ASTN2: variants seen among roughly 807,000 people sequenced by gnomAD.
ASTN2 encodes the protein astrotactin 2.
ASTN2 carries 54 observed loss-of-function variants against 139.8 expected under a neutral mutation model. The ratio of observed to expected loss-of-function variants is 0.39; its 90% CI spans 0.31 to 0.48. The LOEUF (loss-of-function observed/expected upper bound fraction) is 0.48, where lower values mean the gene tolerates loss of function less well. Ranked by LOEUF, ASTN2 falls within the 20% of genes least tolerant of loss-of-function variation. The pLI, the probability that ASTN2 is intolerant of heterozygous loss-of-function variation, is 0.95. For synonymous variants in ASTN2, 756 were observed against 719.5 expected, an observed-to-expected ratio of 1.05 and a Z score of -0.81; for missense variants, 1,565 against 1,725.1, an observed-to-expected ratio of 0.91 and a Z score of 1.64.
chr9:116,429,907 A>G (rs1010398346), intron 22 of ASTN2, among the ~76,000 whole-genome samples: 8 of 152,214 alleles, frequency 5.3e-5, no homozygotes, highest in African/African-American at 1.9e-4. Flanking sequence ...TAGTTCTTCA[A>G]TAATGAAACA....
intron 11 of ASTN2, 72 bp downstream of exon 11, chr9:116,863,511 C>A: frequency 6.4e-7 from 1 of 1,560,066 alleles, no homozygotes; most frequent in Admixed American, 1.8e-5. Flanking sequence ...CGTTCCCTCG[C>A]AGGGCAGGGC....
At chr9:117,237,178 G>T (rs539425693) in intron 2 of ASTN2, among the ~76,000 whole-genome samples, 2 of 152,190 alleles carry the variant, frequency 1.3e-5, no homozygotes, top group African/African-American at 4.8e-5. Flanking sequence ...TTGTGATTTT[G>T]CCATTACGTT....
intron 2 of ASTN2, among the ~76,000 whole-genome samples, chr9:117,223,217 G>A (rs1268058579): frequency 6.6e-6 from 1 of 152,100 alleles, no homozygotes; most frequent in Non-Finnish European, 1.5e-5. Context: ...GTCTAGGATG[G>A]CAGTTCTCAA....
chr9:117,296,277 C>CAAAAAAAAAAAAAAA (rs5900277), intron 1 of ASTN2, among the ~76,000 whole-genome samples: 11 of 71,000 alleles, frequency 1.5e-4, no homozygotes, highest in African/African-American at 6.0e-4. Flanking sequence ...GACTGCATCT[C>CAAAAAAAAAAAAAAA]AAAAAAAAAA....
chr9:116,736,701 T>A (rs561933985), intron 13 of ASTN2, among the ~76,000 whole-genome samples: 1 of 152,354 alleles, frequency 6.6e-6, no homozygotes, highest in East Asian at 1.9e-4. Context: ...GGATTTTCCA[T>A]GGACTTACAT....
chr9:116,946,298 G>C (rs1303828194), intron 10 of ASTN2, among the ~76,000 whole-genome samples: 1 of 152,092 alleles, frequency 6.6e-6, no homozygotes, highest in Non-Finnish European at 1.5e-5. Flanking sequence ...TGTCCCTGAG[G>C]CTCCCCACTA....
At chr9:117,260,115 G>A (rs765331183) in intron 2 of ASTN2, among the ~76,000 whole-genome samples, 2 of 152,074 alleles carry the variant, frequency 1.3e-5, no homozygotes, top group Non-Finnish European at 2.9e-5. Flanking sequence ...CTTGGGGAGA[G>A]GGGATCAGGT....
In ASTN2 at chr9:116,479,596, C is replaced by T. The variant is rs553650561; in HGVS notation, c.3497+7763G>A. On this transcript the variant is annotated intron_variant, in intron 20 of 22. Coordinates refer to ENST00000313400, the MANE Select transcript of ASTN2 (RefSeq NM_001365068.1). The stretch of plus-strand genomic sequence containing the variant: ...ATGAGAGCTGGGAAATCAAGGGCAT[C>T]GCACAAATGACAATGGGAGTCCATC... Among the ~76,000 whole-genome samples the T allele has an allele frequency of 3.9e-5, 6 of 152,260 alleles. No individual in the cohort carries two copies. In the East Asian group the frequency reaches 5.8e-4, roughly 15 times the overall value.
intron 1 of ASTN2, among the ~76,000 whole-genome samples, chr9:117,296,989 T>TA (rs1054913926): frequency 2.0e-5 from 3 of 152,282 alleles, no homozygotes; most frequent in African/African-American, 2.4e-5. Context: ...GGAAAAGAAA[T>TA]AAAAAATCCC....
chr9:116,869,154 C>T (rs901735739), intron 10 of ASTN2, among the ~76,000 whole-genome samples: 1 of 152,072 alleles, frequency 6.6e-6, no homozygotes, highest in African/African-American at 2.4e-5. Flanking sequence ...CATTGCACTC[C>T]AGCCTGGGCA....
At chr9:116,648,461 T>C (rs811688) in intron 17 of ASTN2, among the ~76,000 whole-genome samples, 110,903 of 152,022 alleles carry the variant, frequency 0.73, 40,681 homozygotes, top group East Asian at 0.87. Flanking sequence ...GAATCTGCAA[T>C]AGCCTCCTCA....
At chr9:116,847,430 A>C (rs571198899) in intron 11 of ASTN2, among the ~76,000 whole-genome samples, 49 of 152,164 alleles carry the variant, frequency 3.2e-4, no homozygotes, top group Non-Finnish European at 5.6e-4. Flanking sequence ...TTTTATAAGC[A>C]CCAAGGGCTG....
chr9:116,644,661 T>C (rs778485676), intron 17 of ASTN2, among the ~76,000 whole-genome samples: 1 of 152,184 alleles, frequency 6.6e-6, no homozygotes, highest in Non-Finnish European at 1.5e-5. Context: ...GATAAGATTT[T>C]AATAGCCCTA....
chr9:116,666,027 G>C (rs887090853), intron 16 of ASTN2, among the ~76,000 whole-genome samples: 2 of 152,118 alleles, frequency 1.3e-5, no homozygotes, highest in African/African-American at 4.8e-5. Context: ...CAGGTAATAA[G>C]AGCAGTAATA....
At chr9:117,265,568 T>C (rs1833922355) in intron 2 of ASTN2, among the ~76,000 whole-genome samples, 1 of 151,890 alleles carries the variant, frequency 6.6e-6, no homozygotes, top group Non-Finnish European at 1.5e-5. Context: ...ACACCAAGAG[T>C]GTCTGCTATA....
intron 19 of ASTN2, among the ~76,000 whole-genome samples, chr9:116,609,328 C>CTCTCTCTATATATA (rs140484650): frequency 8.2e-6 from 1 of 122,530 alleles, no homozygotes; most frequent in Non-Finnish European, 1.6e-5. Context: ...CTCTCTCTCT[C>CTCTCTCTATATATA]TATATATATA....
At chr9:117,092,548 C>G (rs1828731784) in intron 5 of ASTN2, among the ~76,000 whole-genome samples, 1 of 152,234 alleles carries the variant, frequency 6.6e-6, no homozygotes, top group Admixed American at 6.5e-5. Context: ...TTATCAAAGC[C>G]CACATGCCTC....
At chr9:116,627,731 G>T (rs1288789459) in intron 17 of ASTN2, among the ~76,000 whole-genome samples, 1 of 152,188 alleles carries the variant, frequency 6.6e-6, no homozygotes, top group Non-Finnish European at 1.5e-5. Flanking sequence ...TGAAGCCCAT[G>T]CTGTCAGCCA....
rs35859539 is a variant in ASTN2, at chr9:117,053,454, G to GA, written c.1277-13490dup. ...GTGATAGAGAGAGACCCTGTCTCTT[G>GA]AAAAAAAAACTAATGATCTTCTGGG... On this transcript the variant is annotated intron_variant, in intron 5 of 22. Transcript: ENST00000313400. 3.8e-4 allele frequency among the ~76,000 whole-genome samples: 58 copies of GA among 150,958 alleles called. 1 individual carries two copies. The highest frequency in any genetic ancestry group is 4.6e-4 in the Admixed American group (7 of 15,132).
Sources: gnomAD v4.1 joint callset for allele counts (sites outside exome capture counted in the v4.1 genomes callset) on GRCh38, gnomAD v4.1.1 for gene constraint, MANE v1.5 for transcripts, NCBI Gene and HGNC (gene_info 2026-07-23, HGNC 2026-07-21) for gene names.